The following M1AP variants were observed in gnomAD, a reference collection of about 807,000 sequenced individuals.
M1AP encodes meiosis 1 arrest protein.
A neutral mutation model predicts 51.2 loss-of-function variants in M1AP; 39 were observed. The ratio of observed to expected loss-of-function variants is 0.76; its 90% CI spans 0.59 to 1.00. The LOEUF is 1.00. Among genes scored for constraint, M1AP ranks in the 50% least tolerant of loss-of-function variants. The probability of loss-of-function intolerance (pLI) is 0.00; values close to 1 mark genes in which losing one functional copy is unlikely to be tolerated. For synonymous variants in M1AP, 251 were observed against 249.2 expected (o/e 1.01, Z -0.07); for missense variants, 545 against 641.2 (o/e 0.85, Z 1.62).
At position 74,576,509 on chromosome 2, in the gene M1AP, G is replaced by C. The variant is rs1558654859; in HGVS notation, c.879C>G (p.Leu293=). Residue 293 remains leucine (L), a synonymous_variant, in exon 6 of 11, where the codon CTC becomes CTG. Coordinates refer to ENST00000421985, the MANE Select transcript of M1AP (RefSeq NM_001321739.2). ...MDDPKGDFIT[L]YQMASQSSAS... is the part of the protein sequence containing the mutation. ...CCGATGACTGGGAAGCCATCTGGTAGAGTGTGATGAAGTCTCCTTTAGGGT... is the reference window on the plus strand; with the variant it reads ...CCGATGACTGGGAAGCCATCTGGTACAGTGTGATGAAGTCTCCTTTAGGGT... 6.2e-7 allele frequency: 1 copy of C among 1,614,110 alleles called. No homozygotes were observed. The highest frequency in any genetic ancestry group is 8.5e-7 in the Non-Finnish European group (1 of 1,180,006).
chr2:74,638,166 C>A (rs986917384), intron 2 of M1AP, among the ~76,000 whole-genome samples: 1 of 151,908 alleles, frequency 6.6e-6, no homozygotes. Context: ...GCGATTCTCC[C>A]GCCTCAGCCT....
At chr2:74,645,350 A>C (rs1265038846) in intron 1 of M1AP, among the ~76,000 whole-genome samples, 1 of 152,250 alleles carries the variant, frequency 6.6e-6, no homozygotes, top group African/African-American at 2.4e-5. Flanking sequence ...TCTTGAAGTC[A>C]GCAAGACCAA....
intron 7 of M1AP, among the ~76,000 whole-genome samples, chr2:74,564,840 G>C (rs1433620694): frequency 6.6e-6 from 1 of 152,074 alleles, no homozygotes; most frequent in East Asian, 1.9e-4. Context: ...CTTCTGATGG[G>C]GCTCAGGATT....
intron 4 of M1AP, among the ~76,000 whole-genome samples, chr2:74,600,581 A>C (rs1160100549): frequency 6.6e-6 from 1 of 152,212 alleles, no homozygotes; most frequent in Non-Finnish European, 1.5e-5. Context: ...AAGGACAAAG[A>C]AAGCATCTGG....
chr2:74,600,027 G>C (rs765796631), intron 4 of M1AP, among the ~76,000 whole-genome samples: 6 of 152,142 alleles, frequency 3.9e-5, no homozygotes, highest in African/African-American at 1.4e-4. Flanking sequence ...GCCTCTTAAA[G>C]TGCTAGGGTT....
intron 1 of M1AP, among the ~76,000 whole-genome samples, chr2:74,642,464 T>C (rs1683351224): frequency 1.3e-5 from 2 of 152,168 alleles, no homozygotes; most frequent in Non-Finnish European, 2.9e-5. Flanking sequence ...TGAGTAAGAA[T>C]AGATGATAGG....
At chr2:74,618,829 C>T (rs1681837188) in intron 2 of M1AP, 2 of 427,008 alleles carry the variant, frequency 4.7e-6, no homozygotes, top group Admixed American at 2.6e-5. Flanking sequence ...TCCCAAATCC[C>T]TCTTATCCCA....
intron 4 of M1AP, among the ~76,000 whole-genome samples, chr2:74,603,534 A>G (rs1292779900): frequency 6.6e-6 from 1 of 152,218 alleles, no homozygotes; most frequent in Non-Finnish European, 1.5e-5. Flanking sequence ...GTAGTAATGA[A>G]CCTGAATTAG....
At chr2:74,588,822 A>ACTCT (rs745810033) in intron 4 of M1AP, among the ~76,000 whole-genome samples, 1 of 152,216 alleles carries the variant, frequency 6.6e-6, no homozygotes, top group Non-Finnish European at 1.5e-5. Context: ...CTTCTCAGAG[A>ACTCT]GAGAGAACTG....
At chr2:74,638,116 G>A (rs1024449032) in intron 2 of M1AP, among the ~76,000 whole-genome samples, 5 of 151,510 alleles carry the variant, frequency 3.3e-5, no homozygotes, top group Middle Eastern at 3.4e-3. Flanking sequence ...GTGCAGTGGC[G>A]CGACCTCGGC....
chr2:74,581,288 G>C (rs1276029503), intron 5 of M1AP, among the ~76,000 whole-genome samples: 2 of 152,136 alleles, frequency 1.3e-5, no homozygotes, highest in Non-Finnish European at 2.9e-5. Context: ...CTCGCCACAG[G>C]CTGTATTGAT....
At chr2:74,594,865 T>G (rs1162080768) in intron 4 of M1AP, among the ~76,000 whole-genome samples, 3 of 152,126 alleles carry the variant, frequency 2.0e-5, no homozygotes, top group African/African-American at 7.2e-5. Context: ...AGTGACACAG[T>G]GAGACCCTAT....
chr2:74,631,568 G>T (rs1682707654), intron 2 of M1AP, among the ~76,000 whole-genome samples: 1 of 152,010 alleles, frequency 6.6e-6, no homozygotes, highest in South Asian at 2.1e-4. Flanking sequence ...GAGAAAATGA[G>T]TATTATAGCT....
chr2:74,591,446 C>A (rs750268809), intron 4 of M1AP, among the ~76,000 whole-genome samples: 10 of 151,982 alleles, frequency 6.6e-5, no homozygotes, highest in Non-Finnish European at 1.3e-4. Flanking sequence ...ATTCTATAAA[C>A]CAAAAAGCAT....
chr2:74,577,024 G>C, intron 5 of M1AP: 4 of 465,874 alleles, frequency 8.6e-6, no homozygotes, highest in Non-Finnish European at 1.2e-5. Context: ...ATCACAGAAG[G>C]AAATCTTGCT....
At chr2:74,642,320 A>T (rs1683344190) in intron 1 of M1AP, among the ~76,000 whole-genome samples, 1 of 152,212 alleles carries the variant, frequency 6.6e-6, no homozygotes, top group Non-Finnish European at 1.5e-5. Context: ...CAAGAACATA[A>T]GGTTGATATA....
chr2:74,584,382 G>A (rs992150934), intron 4 of M1AP, among the ~76,000 whole-genome samples: 2 of 149,466 alleles, frequency 1.3e-5, no homozygotes, highest in Non-Finnish European at 3.0e-5. Flanking sequence ...TCTGAGGCAG[G>A]AGGACAGCTT....
intron 4 of M1AP, among the ~76,000 whole-genome samples, chr2:74,591,754 G>A (rs891931491): frequency 6.6e-6 from 1 of 152,092 alleles, no homozygotes; most frequent in Non-Finnish European, 1.5e-5. Context: ...AAAAGCTAAA[G>A]AAGACGCTCA....
At chr2:74,622,543 CTTTTTT>C (rs534273779) in intron 2 of M1AP, among the ~76,000 whole-genome samples, 4 of 117,314 alleles carry the variant, frequency 3.4e-5, no homozygotes, top group African/African-American at 9.7e-5. Flanking sequence ...CCATTGCCTG[CTTTTTT>C]TTTTTTTTTT....
Sources: gnomAD v4.1 joint callset for allele counts (sites outside exome capture counted in the v4.1 genomes callset) on GRCh38, gnomAD v4.1.1 for gene constraint, MANE v1.5 for transcripts, NCBI Gene and HGNC (gene_info 2026-07-23, HGNC 2026-07-21) for gene names.